The following LRRTM4 variants were observed in gnomAD, a reference collection of about 807,000 sequenced individuals.
LRRTM4 encodes leucine-rich repeat transmembrane neuronal protein 4.
LRRTM4 carries 25 observed loss-of-function variants against 47.6 expected under a neutral mutation model. That is an observed-to-expected ratio of 0.53 (90% CI 0.38 to 0.73). The LOEUF is 0.73. Among genes scored for constraint, LRRTM4 ranks in the 30% least tolerant of loss-of-function variants. LRRTM4 has a pLI of 0.00. For synonymous variants in LRRTM4, 311 were observed against 269.5 expected (o/e 1.15, Z -1.51); for missense variants, 638 against 713.4 (o/e 0.89, Z 1.20).
At chr2:76,847,079 A>G (rs538600995) in intron 3 of LRRTM4, among the ~76,000 whole-genome samples, 2 of 152,314 alleles carry the variant, frequency 1.3e-5, no homozygotes, top group East Asian at 3.9e-4. Flanking sequence ...GATATCAAGA[A>G]CCAACTAGAG....
chr2:77,185,368 A>T (rs150028480), intron 3 of LRRTM4, among the ~76,000 whole-genome samples: 1 of 152,146 alleles, frequency 6.6e-6, no homozygotes. Context: ...TATCAGTGAT[A>T]AAGGTCATAT....
chr2:77,306,147 A>C (rs1003049453), intron 3 of LRRTM4, among the ~76,000 whole-genome samples: 4 of 152,160 alleles, frequency 2.6e-5, no homozygotes, highest in Non-Finnish European at 5.9e-5. Context: ...CCATTCCTTA[A>C]TTTTCTAATT....
At chr2:76,790,623 T>C (rs1470129070) in intron 3 of LRRTM4, among the ~76,000 whole-genome samples, 1 of 152,144 alleles carries the variant, frequency 6.6e-6, no homozygotes, top group Admixed American at 6.5e-5. Flanking sequence ...ATAATTCCCA[T>C]TGCTATTTCT....
chr2:76,918,704 AC>A (rs1674334978), intron 3 of LRRTM4, among the ~76,000 whole-genome samples: 1 of 152,188 alleles, frequency 6.6e-6, no homozygotes. Context: ...AGCCTACCTC[AC>A]ATGACAGAAG....
chr2:77,034,823 A>C (rs1573479695), intron 3 of LRRTM4, among the ~76,000 whole-genome samples: 1 of 151,894 alleles, frequency 6.6e-6, no homozygotes, highest in Non-Finnish European at 1.5e-5. Flanking sequence ...AAATTATGAC[A>C]TTCTAATTCT....
rs1215737389 is a variant in LRRTM4, at chr2:77,415,498, A to C, written c.1551+102820T>G. Among the ~76,000 whole-genome samples, 3 of 152,162 alleles carry C rather than the reference A, an allele frequency of 2.0e-5. No individual in the cohort carries two copies. The East Asian group carries it at 5.8e-4, about 29-fold the overall frequency. ...CCTTCTTAAATTCCATGGATCAATTAAATTATTTAAAAGTATATTTAGTTC... is the reference window on the plus strand; with the variant it reads ...CCTTCTTAAATTCCATGGATCAATTCAATTATTTAAAAGTATATTTAGTTC... On this transcript the variant is annotated intron_variant, in intron 3 of 3. Transcript: ENST00000409884.
intron 3 of LRRTM4, among the ~76,000 whole-genome samples, chr2:77,205,470 C>G (rs962433277): frequency 2.6e-5 from 4 of 152,096 alleles, no homozygotes; most frequent in African/African-American, 9.7e-5. Flanking sequence ...CTACTAAGAT[C>G]TGGGAGGATG....
chr2:77,383,579 A>C (rs1673144372), intron 3 of LRRTM4, among the ~76,000 whole-genome samples: 1 of 152,152 alleles, frequency 6.6e-6, no homozygotes, highest in Non-Finnish European at 1.5e-5. Flanking sequence ...CAAAGTAAAT[A>C]TGATTAATAA....
intron 3 of LRRTM4, among the ~76,000 whole-genome samples, chr2:77,421,506 G>C (rs544676962): frequency 4.9e-4 from 75 of 152,230 alleles, no homozygotes; most frequent in African/African-American, 1.7e-3. Context: ...AGGAGATCGA[G>C]ACCATCCTGG....
intron 3 of LRRTM4, among the ~76,000 whole-genome samples, chr2:77,106,788 G>C (rs1477675091): frequency 1.1e-4 from 17 of 151,534 alleles, no homozygotes; most frequent in Non-Finnish European, 1.8e-4. Flanking sequence ...CAATATTAAT[G>C]ATAATAATAA....
chr2:76,896,451 C>G (rs1673420990), intron 3 of LRRTM4, among the ~76,000 whole-genome samples: 1 of 151,754 alleles, frequency 6.6e-6, no homozygotes, highest in African/African-American at 2.4e-5. Context: ...CAAATTTTGT[C>G]CTATTCTATG....
chr2:76,788,746 A>C (rs1320687406), intron 3 of LRRTM4, among the ~76,000 whole-genome samples: 1 of 152,202 alleles, frequency 6.6e-6, no homozygotes, highest in African/African-American at 2.4e-5. Flanking sequence ...TTCAGAAAGA[A>C]GACCCTGTGA....
intron 3 of LRRTM4, among the ~76,000 whole-genome samples, chr2:77,183,136 A>C (rs1308765192): frequency 6.6e-6 from 1 of 152,176 alleles, no homozygotes; most frequent in Admixed American, 6.5e-5. Context: ...CTACTATCAG[A>C]GTGAACAGGC....
chr2:76,864,979 T>C (rs1043247289), intron 3 of LRRTM4, among the ~76,000 whole-genome samples: 1 of 151,850 alleles, frequency 6.6e-6, no homozygotes, highest in African/African-American at 2.4e-5. Context: ...CAAGCGATTC[T>C]TCTGCCTCAG....
rs59026405 is a variant in LRRTM4 at position 77,156,349 on chromosome 2, T to C, written c.1551+361969A>G. The stretch of plus-strand genomic sequence containing the variant: ...TACAAAAAAAAACAGAAAAAAGTCA[T>C]ATTTGAAAAACAGAATTTCTAGAAA... On this transcript the variant is annotated intron_variant, in intron 3 of 3. Transcript: ENST00000409884. 7.6e-3 allele frequency among the ~76,000 whole-genome samples: 1,138 copies of C among 149,852 alleles called. 18 individuals are homozygous for C. The highest frequency in any genetic ancestry group is 0.026 in the African/African-American group (1,077 of 41,160).
At chr2:77,432,078 A>G (rs1028507564) in intron 3 of LRRTM4, among the ~76,000 whole-genome samples, 1 of 152,232 alleles carries the variant, frequency 6.6e-6, no homozygotes, top group Admixed American at 6.5e-5. Context: ...ATCTCAAAAA[A>G]AGAAAAAAAG....
At chr2:77,135,870 A>C (rs1671922225) in intron 3 of LRRTM4, among the ~76,000 whole-genome samples, 1 of 152,212 alleles carries the variant, frequency 6.6e-6, no homozygotes, top group Middle Eastern at 3.2e-3. Context: ...TGAATAAATA[A>C]ATAAATTTTT....
chr2:77,088,514 T>G lies in LRRTM4; in HGVS notation c.1552-339598A>C, dbSNP rs529547697. Among the ~76,000 whole-genome samples the G allele has an allele frequency of 2.6e-5, 4 of 152,202 alleles. No individual in the cohort carries two copies. The East Asian group carries it at 5.8e-4, about 22-fold the overall frequency. On this transcript the variant is annotated intron_variant, in intron 3 of 3. Transcript: ENST00000409884. ...CCAGAGAACAAACCCCCTTTGACTG[T>G]AATTTTCCTTTACCTACCCAAATCC...
chr2:77,127,351 T>A (rs1010997300), intron 3 of LRRTM4, among the ~76,000 whole-genome samples: 1 of 152,206 alleles, frequency 6.6e-6, no homozygotes, highest in Non-Finnish European at 1.5e-5. Flanking sequence ...GGGAATAAAT[T>A]AATTTAAAAT....
Sources: gnomAD v4.1 joint callset for allele counts (sites outside exome capture counted in the v4.1 genomes callset) on GRCh38, gnomAD v4.1.1 for gene constraint, MANE v1.5 for transcripts, NCBI Gene and HGNC (gene_info 2026-07-23, HGNC 2026-07-21) for gene names.